The following SORCS3 variants were observed in gnomAD, a reference collection of about 807,000 sequenced individuals.
The protein encoded by SORCS3 is VPS10 domain-containing receptor SorCS3.
SORCS3 carries 57 observed loss-of-function variants against 146.3 expected under a neutral mutation model. The ratio of observed to expected loss-of-function variants is 0.39; its 90% CI spans 0.31 to 0.49. SORCS3 has a LOEUF of 0.49. Ranked by LOEUF, SORCS3 falls within the 20% of genes least tolerant of loss-of-function variation. The pLI, the probability that SORCS3 is intolerant of heterozygous loss-of-function variation, is 0.92. For missense variants in SORCS3, 1,341 were observed against 1,575.5 expected (o/e 0.85, Z 2.52); for synonymous variants, 653 against 618.5 (o/e 1.06, Z -0.83).
chr10:104,918,388 G>C (rs554603532), intron 3 of SORCS3, among the ~76,000 whole-genome samples: 19 of 152,332 alleles, frequency 1.2e-4, no homozygotes, highest in Admixed American at 1.1e-3. Context: ...TGTCAGGCCA[G>C]ATGTATTTGC....
intron 2 of SORCS3, among the ~76,000 whole-genome samples, chr10:104,891,574 A>G (rs2018749643): frequency 6.6e-6 from 1 of 151,778 alleles, no homozygotes; most frequent in African/African-American, 2.4e-5. Context: ...GAATTTGTTT[A>G]CTGTCTCTTA....
At chr10:104,768,942 G>A (rs899100884) in intron 1 of SORCS3, among the ~76,000 whole-genome samples, 3 of 152,172 alleles carry the variant, frequency 2.0e-5, no homozygotes, top group African/African-American at 7.2e-5. Flanking sequence ...TATGCAGACC[G>A]AATCCAAATG....
At position 104,719,737 on chromosome 10, in the gene SORCS3, A is replaced by C. The variant is rs532649841; in HGVS notation, c.627+77783A>C. On this transcript the variant is annotated intron_variant, in intron 1 of 26. Coordinates refer to ENST00000369701, the MANE Select transcript of SORCS3 (RefSeq NM_014978.3). ...TTATTACTTTAAGATCATTGAAATC[A>C]GCTGGTTTGTCTCTCTCTCTTCATG... 2.6e-5 allele frequency among the ~76,000 whole-genome samples: 4 copies of C among 152,344 alleles called. No homozygotes were observed. In the South Asian group the frequency reaches 6.2e-4, roughly 24 times the overall value.
intron 14 of SORCS3, among the ~76,000 whole-genome samples, chr10:105,192,341 T>C (rs1201360630): frequency 6.6e-6 from 1 of 151,826 alleles, no homozygotes; most frequent in African/African-American, 2.4e-5. Flanking sequence ...AGGTGTGGGG[T>C]AAGCCATCCC....
intron 1 of SORCS3, among the ~76,000 whole-genome samples, chr10:104,776,172 G>A (rs535442306): frequency 2.6e-5 from 4 of 152,252 alleles, no homozygotes; most frequent in Non-Finnish European, 4.4e-5. Context: ...ATTCCACCTG[G>A]AGGTGAGGAA....
At chr10:104,695,935 G>GTA (rs201501388) in intron 1 of SORCS3, among the ~76,000 whole-genome samples, 3 of 140,950 alleles carry the variant, frequency 2.1e-5, no homozygotes, top group East Asian at 2.0e-4. Context: ...AAATTGTGAT[G>GTA]TATATATATA....
chr10:104,963,086 A>G (rs1234292661), intron 3 of SORCS3, among the ~76,000 whole-genome samples: 1 of 152,294 alleles, frequency 6.6e-6, no homozygotes, highest in East Asian at 1.9e-4. Context: ...TATAGTCATT[A>G]TTTCTAATTT....
At chr10:105,240,003 G>T (rs2056813671) in intron 20 of SORCS3, among the ~76,000 whole-genome samples, 1 of 152,160 alleles carries the variant, frequency 6.6e-6, no homozygotes, top group African/African-American at 2.4e-5. Flanking sequence ...GCCACCTGGG[G>T]ACCAAGTGTT....
At chr10:105,120,795 T>C (rs2055926904) in intron 7 of SORCS3, among the ~76,000 whole-genome samples, 1 of 152,194 alleles carries the variant, frequency 6.6e-6, no homozygotes, top group Admixed American at 6.5e-5. Flanking sequence ...CACAGGAGTA[T>C]TAAATTGTTT....
At chr10:105,167,165 A>G (rs1160338853) in intron 12 of SORCS3, 93 bp from the exon 13 acceptor site, 4 of 994,668 alleles carry the variant, frequency 4.0e-6, no homozygotes, top group Non-Finnish European at 6.1e-6. Context: ...CAGAACCTAG[A>G]TGAAACAATA....
chr10:104,907,863 C>G (rs1487562144), intron 2 of SORCS3, among the ~76,000 whole-genome samples: 1 of 152,308 alleles, frequency 6.6e-6, no homozygotes, highest in Admixed American at 6.5e-5. Flanking sequence ...TTACTTTTGG[C>G]TTGAGGTCTG....
intron 19 of SORCS3, among the ~76,000 whole-genome samples, chr10:105,220,819 G>A (rs1212566964): frequency 8.6e-5 from 13 of 151,972 alleles, no homozygotes; most frequent in Admixed American, 8.5e-4. Context: ...AGTAAATAAA[G>A]CAATGAAAGT....
intron 1 of SORCS3, among the ~76,000 whole-genome samples, chr10:104,679,861 T>A (rs566315970): frequency 6.6e-6 from 1 of 152,314 alleles, no homozygotes; most frequent in Non-Finnish European, 1.5e-5. Context: ...GCACAGTGTA[T>A]CAAGATCCAA....
chr10:104,915,973 GTAGC>G (rs2019022988), intron 3 of SORCS3, 41 bp downstream of exon 3: 1 of 1,484,202 alleles, frequency 6.7e-7, no homozygotes, highest in African/African-American at 1.4e-5. Flanking sequence ...CTCCTGCTGG[GTAGC>G]TGTGCTGATT....
chr10:104,941,771 C>T (rs1038793095), intron 3 of SORCS3, among the ~76,000 whole-genome samples: 8 of 152,076 alleles, frequency 5.3e-5, no homozygotes, highest in African/African-American at 1.9e-4. Context: ...CATTGGCTTC[C>T]AGGAATAAGC....
chr10:105,205,306 G>GGA (rs1173440790), intron 16 of SORCS3, among the ~76,000 whole-genome samples: 1 of 152,174 alleles, frequency 6.6e-6, no homozygotes, highest in Non-Finnish European at 1.5e-5. Context: ...CAAGAAAAGA[G>GGA]GAGGTTTTCT....
At chr10:105,033,548 A>T (rs1050384017) in intron 4 of SORCS3, among the ~76,000 whole-genome samples, 2 of 152,206 alleles carry the variant, frequency 1.3e-5, no homozygotes. Flanking sequence ...GATTCCTCTC[A>T]TCTAGGAACT....
chr10:104,845,369 C>A (rs899271829), intron 2 of SORCS3, among the ~76,000 whole-genome samples: 1 of 152,184 alleles, frequency 6.6e-6, no homozygotes, highest in Non-Finnish European at 1.5e-5. Context: ...GATTATTTGG[C>A]ACACAAGAGG....
At chr10:105,153,885 A>G (rs1589658440) in intron 9 of SORCS3, among the ~76,000 whole-genome samples, 1 of 151,926 alleles carries the variant, frequency 6.6e-6, no homozygotes, top group African/African-American at 2.4e-5. Context: ...CCTGGCCAAC[A>G]TGGTGAAACC....
Sources: allele counts gnomAD v4.1 joint callset (sites outside exome capture counted in the v4.1 genomes callset), GRCh38; gene constraint gnomAD v4.1.1; transcripts MANE v1.5; gene names NCBI Gene and HGNC (gene_info 2026-07-23, HGNC 2026-07-21).